The following RAB21 variants were observed in gnomAD, a reference collection of about 807,000 sequenced individuals.
RAB21 encodes RAB21, member RAS oncogene family, also known as ras-related protein Rab-21.
A neutral mutation model predicts 33.1 loss-of-function variants in RAB21; 13 were observed. The observed-to-expected ratio is 0.39, with a 90% CI of 0.26 to 0.62. The LOEUF (loss-of-function observed/expected upper bound fraction) is 0.62. Among genes scored for constraint, RAB21 ranks in the 20% least tolerant of loss-of-function variants. The pLI is 0.48. For synonymous variants in RAB21, 91 were observed against 103.7 expected, an observed-to-expected ratio of 0.88 and a Z score of 0.74; for missense variants, 234 against 279.1, an observed-to-expected ratio of 0.84 and a Z score of 1.15.
Position 71,797,910 on chromosome 12 carries a change from C to G in RAB21, c.*12237C>G, listed in dbSNP as rs1020079783. 3.3e-5 allele frequency: 5 copies of G among 151,826 alleles called. No individual in the cohort carries two copies. Among genetic ancestry groups the G allele is most frequent in the African/African-American group, 1.2e-4 (5 of 41,348 alleles). The allele number at this position is 151,826 out of a possible 1,614,324, so 9.4% of individuals were successfully genotyped here. ...CAAAGCTGGATTCATACCTCATAAA[C>G]CAAAATGCATTCCAGTTTAAATATG... On this transcript the variant is annotated 3_prime_UTR_variant, in exon 7 of 7. Transcript: ENST00000261263.
rs1359175600 is a variant in RAB21 at position 71,789,742 on chromosome 12, A to G, written c.*4069A>G. ...GCATCTACTTGATTTCATAATATGC[A>G]TTGATTTTAGTATGTTGCTGTTCTG... On this transcript the variant is annotated 3_prime_UTR_variant, in exon 7 of 7. Transcript: ENST00000261263. The G allele has an allele frequency of 2.0e-5, 3 of 152,158 alleles. No homozygotes were observed. The highest frequency in any genetic ancestry group is 7.2e-5 in the African/African-American group (3 of 41,468). The allele number at this position is 152,158 out of a possible 1,614,324, so 9.4% of individuals were successfully genotyped here. A position where few individuals can be genotyped will look rare whatever the true frequency, so the allele number is the denominator to read the frequency against.
At chr12:71,764,499 TG>T (rs1882929829) in intron 1 of RAB21, among the ~76,000 whole-genome samples, 1 of 152,178 alleles carries the variant, frequency 6.6e-6, no homozygotes, top group African/African-American at 2.4e-5. Context: ...GGGGTATAGG[TG>T]TTTTTTTGCT....
intron 1 of RAB21, among the ~76,000 whole-genome samples, chr12:71,760,043 A>G (rs1267773800): frequency 1.3e-5 from 2 of 152,202 alleles, no homozygotes; most frequent in Non-Finnish European, 1.5e-5. Context: ...TAAATGAATA[A>G]ATGATGCGGG....
intron 6 of RAB21, 48 bp downstream of exon 6, chr12:71,782,706 A>AT: frequency 7.5e-7 from 1 of 1,336,416 alleles, no homozygotes; most frequent in Non-Finnish European, 1.0e-6. Context: ...TTTGGTTTTT[A>AT]TTTTTTAAAA....
intron 1 of RAB21, among the ~76,000 whole-genome samples, chr12:71,759,905 T>G (rs1882844943): frequency 6.6e-6 from 1 of 152,236 alleles, no homozygotes; most frequent in Non-Finnish European, 1.5e-5. Context: ...CAAGCTCCTT[T>G]TCTTTAAAAT....
intron 4 of RAB21, among the ~76,000 whole-genome samples, chr12:71,775,457 T>C (rs1883105688): frequency 6.6e-6 from 1 of 152,230 alleles, no homozygotes; most frequent in Non-Finnish European, 1.5e-5. Flanking sequence ...GGTAGGATCA[T>C]TTCAGTGGAA....
At chr12:71,767,504 GTTTTGTTTTTGT>G (rs1033708814) in intron 1 of RAB21, among the ~76,000 whole-genome samples, 1 of 151,920 alleles carries the variant, frequency 6.6e-6, no homozygotes, top group Admixed American at 6.6e-5. Context: ...TTTTTTGTTT[GTTTTGTTTTTGT>G]TTTTGTTTTA....
At chr12:71,761,899 G>A (rs902453567) in intron 1 of RAB21, among the ~76,000 whole-genome samples, 1 of 152,112 alleles carries the variant, frequency 6.6e-6, no homozygotes, top group East Asian at 1.9e-4. Context: ...AGGAATCTTG[G>A]TTTCTTTGTT....
intron 1 of RAB21, among the ~76,000 whole-genome samples, chr12:71,765,496 T>G (rs1056253433): frequency 1.3e-5 from 2 of 152,208 alleles, no homozygotes; most frequent in Non-Finnish European, 1.5e-5. Context: ...TTGCATTTGC[T>G]TTTGGGGTGT....
intron 2 of RAB21, 119 bp from the exon 3 acceptor site, chr12:71,770,472 GT>G: frequency 1.4e-6 from 1 of 712,874 alleles, no homozygotes; most frequent in Non-Finnish European, 2.4e-6. Context: ...TGTTAATAGG[GT>G]TTTGTGGTTG....
In RAB21 at chr12:71,799,825, C is replaced by A. The variant is rs908050687; in HGVS notation, c.*14152C>A. ...CAGTGGTTCACACCTGTAATCCCAG[C>A]ATTTTGGGAGGCCAAGATGGGCGGA... is the stretch of plus-strand genomic sequence containing the variant. On this transcript the variant is annotated 3_prime_UTR_variant, in exon 7 of 7. Transcript: ENST00000261263. 1.3e-5 allele frequency: 2 copies of A among 152,190 alleles called. No individual in the cohort carries two copies. Among genetic ancestry groups the A allele is most frequent in the African/African-American group, 4.8e-5 (2 of 41,424 alleles). 9.4% of individuals were successfully genotyped at this position (152,190 alleles called of 1,614,324 possible).
intron 4 of RAB21, among the ~76,000 whole-genome samples, chr12:71,778,895 C>T (rs572160801): frequency 6.6e-6 from 1 of 152,302 alleles, no homozygotes; most frequent in African/African-American, 2.4e-5. Flanking sequence ...GTAATCCCAG[C>T]ACTTTGGGAG....
chr12:71,763,004 T>A lies in RAB21; in HGVS notation c.160-6796T>A, dbSNP rs574098374. On this transcript the variant is annotated intron_variant, in intron 1 of 6. Coordinates refer to ENST00000261263, the MANE Select transcript of RAB21 (RefSeq NM_014999.4). The stretch of plus-strand genomic sequence containing the variant: ...GTGGTAATGCTTTACTCATTTATTT[T>A]TTTATTTTATTTTAAAAATTAACAA... Among the ~76,000 whole-genome samples, 6 of 152,176 alleles carry A rather than the reference T, an allele frequency of 3.9e-5. No homozygotes were observed. In the East Asian group the frequency reaches 1.2e-3, roughly 29 times the overall value.
chr12:71,781,466 C>CAA (rs35453463), intron 4 of RAB21, among the ~76,000 whole-genome samples: 5 of 110,478 alleles, frequency 4.5e-5, no homozygotes, highest in Admixed American at 1.9e-4. Flanking sequence ...GAGACTCCGT[C>CAA]AAAAAAAAAA....
rs534206183 is a variant in RAB21 at position 71,783,850 on chromosome 12, C to T, written c.535+1192C>T. On this transcript the variant is annotated intron_variant, in intron 6 of 6. Transcript: ENST00000261263. ...TCATCAGGATATCCTCCTTCCTTAC[C>T]TCCCTCCCTCCCTCCCTTCCTTCCT... Among the ~76,000 whole-genome samples the T allele has an allele frequency of 6.6e-5, 10 of 152,042 alleles. No homozygotes were observed. In the East Asian group the frequency reaches 1.4e-3, roughly 21 times the overall value.
At chr12:71,769,458 A>G (rs1883008551) in intron 1 of RAB21, among the ~76,000 whole-genome samples, 1 of 152,004 alleles carries the variant, frequency 6.6e-6, no homozygotes, top group South Asian at 2.1e-4. Context: ...ATTTTATCTT[A>G]GAAATCTCTT....
rs1165071237 is a variant in RAB21 at position 71,793,580 on chromosome 12, T to G, written c.*7907T>G. Reference sequence around the variant, plus strand: ...GGTTATACACAAGTTACTTTCATTCTTACTAGTTCACAAAAGGTTAGTAAA... The same window carrying G: ...GGTTATACACAAGTTACTTTCATTCGTACTAGTTCACAAAAGGTTAGTAAA... On this transcript the variant is annotated 3_prime_UTR_variant, in exon 7 of 7. Coordinates refer to ENST00000261263, the MANE Select transcript of RAB21 (RefSeq NM_014999.4). 6.6e-6 allele frequency: 1 copy of G among 152,240 alleles called. No homozygotes were observed. The highest frequency in any genetic ancestry group is 2.4e-5 in the African/African-American group (1 of 41,460). The allele number at this position is 152,240 out of a possible 1,614,324, so 9.4% of individuals were successfully genotyped here.
intron 1 of RAB21, among the ~76,000 whole-genome samples, chr12:71,756,560 C>A (rs1021047282): frequency 6.6e-6 from 1 of 152,182 alleles, no homozygotes; most frequent in African/African-American, 2.4e-5. Flanking sequence ...TATTTTTACT[C>A]CTCTGATTTT....
At chr12:71,775,439 G>A (rs1046080995) in intron 4 of RAB21, among the ~76,000 whole-genome samples, 4 of 152,226 alleles carry the variant, frequency 2.6e-5, no homozygotes, top group African/African-American at 9.6e-5. Context: ...CAATATGGGA[G>A]AAGCCAGGGT....
Sources: allele counts gnomAD v4.1 joint callset (sites outside exome capture counted in the v4.1 genomes callset), GRCh38; gene constraint gnomAD v4.1.1; transcripts MANE v1.5; gene names NCBI Gene and HGNC (gene_info 2026-07-23, HGNC 2026-07-21).